Variants in ADGRB3 observed in about 807,000 individuals in gnomAD.
ADGRB3 encodes adhesion G protein-coupled receptor B3.
In ADGRB3, 37 loss-of-function variants were observed where a neutral mutation model predicts 193.4. That is an observed-to-expected ratio of 0.19 (90% CI 0.15 to 0.25). The LOEUF is 0.25. Ranked by LOEUF, ADGRB3 falls within the 10% of genes least tolerant of loss-of-function variation. The probability of loss-of-function intolerance (pLI) is 1.00; values close to 1 mark genes in which losing one functional copy is unlikely to be tolerated. For synonymous variants in ADGRB3, 690 were observed against 644.2 expected (o/e 1.07, Z -1.08); for missense variants, 1,637 against 1,852.9 (o/e 0.88, Z 2.14).
intron 30 of ADGRB3, among the ~76,000 whole-genome samples, chr6:69,379,521 A>G (rs1370647908): frequency 6.6e-6 from 1 of 152,058 alleles, no homozygotes; most frequent in Non-Finnish European, 1.5e-5. Context: ...TGTGAAAACT[A>G]AAACGACACC....
chr6:69,376,059 GT>G (rs1403027461), intron 30 of ADGRB3, among the ~76,000 whole-genome samples: 1 of 108,200 alleles, frequency 9.2e-6, no homozygotes, highest in African/African-American at 3.4e-5. Context: ...AATTTTCACA[GT>G]TTTCCATGAA....
At chr6:69,289,739 G>A (rs1173402189) in intron 20 of ADGRB3, among the ~76,000 whole-genome samples, 3 of 151,888 alleles carry the variant, frequency 2.0e-5, no homozygotes, top group African/African-American at 7.3e-5. Flanking sequence ...CTACAGACAG[G>A]TGCCTAAATA....
chr6:69,046,144 T>C (rs185958933), intron 13 of ADGRB3, among the ~76,000 whole-genome samples: 15 of 152,306 alleles, frequency 9.8e-5, no homozygotes, highest in Admixed American at 9.8e-4. Flanking sequence ...CTAATGTGTA[T>C]AGAGACAGAG....
intron 3 of ADGRB3, among the ~76,000 whole-genome samples, chr6:68,878,776 AAG>A (rs1765656986): frequency 6.6e-6 from 1 of 152,186 alleles, no homozygotes; most frequent in Admixed American, 6.5e-5. Flanking sequence ...TTACAAAAGA[AAG>A]AGGTTTAACT....
At position 68,834,966 on chromosome 6, in the gene ADGRB3, G is replaced by A. The variant is rs886231541; in HGVS notation, c.758-95593G>A. Reference sequence around the variant, plus strand: ...CTACCTAGTATAATTGAAAATATGTGAGTTAAAAAAAATCCAAGCATTTAA... The same window carrying A: ...CTACCTAGTATAATTGAAAATATGTAAGTTAAAAAAAATCCAAGCATTTAA... On this transcript the variant is annotated intron_variant, in intron 3 of 31. Transcript: ENST00000370598. Among the ~76,000 whole-genome samples, 15 of 151,328 alleles carry A rather than the reference G, an allele frequency of 9.9e-5. No individual in the cohort carries two copies. In the East Asian group the frequency reaches 2.1e-3, roughly 22 times the overall value.
At chr6:69,107,234 A>G (rs1286521250) in intron 17 of ADGRB3, among the ~76,000 whole-genome samples, 2 of 152,304 alleles carry the variant, frequency 1.3e-5, no homozygotes, top group African/African-American at 4.8e-5. Context: ...GAAAAAAATT[A>G]TATTTCTACT....
At chr6:68,638,456 C>T (rs1462603418) in intron 2 of ADGRB3, among the ~76,000 whole-genome samples, 2 of 152,134 alleles carry the variant, frequency 1.3e-5, no homozygotes, top group African/African-American at 4.8e-5. Context: ...GCGAATTTGA[C>T]CATTGTGAAT....
intron 11 of ADGRB3, among the ~76,000 whole-genome samples, chr6:69,005,181 A>G (rs1462824621): frequency 1.3e-5 from 2 of 151,822 alleles, no homozygotes; most frequent in Admixed American, 6.6e-5. Flanking sequence ...ATCATTAACT[A>G]TTTTTACCTT....
At chr6:69,375,596 T>C (rs937241038) in intron 30 of ADGRB3, among the ~76,000 whole-genome samples, 6 of 152,096 alleles carry the variant, frequency 3.9e-5, no homozygotes, top group Non-Finnish European at 8.8e-5. Context: ...AGATTCCTAA[T>C]GTGATGTTAA....
At chr6:68,722,605 CTT>C (rs200217245) in intron 3 of ADGRB3, among the ~76,000 whole-genome samples, 3 of 143,244 alleles carry the variant, frequency 2.1e-5, no homozygotes, top group African/African-American at 2.6e-5. Flanking sequence ...ATTTCTTTTT[CTT>C]TTTTTTTTTT....
rs182274001 is a variant in ADGRB3, at chr6:69,016,098, T to C, written c.1998+1992T>C. ...CACACCCATTCATTTACCTATAATC[T>C]ATATACGGTCGTTTTGGTGCGACAA... On this transcript the variant is annotated intron_variant, in intron 12 of 31. Transcript: ENST00000370598. Among the ~76,000 whole-genome samples the C allele has an allele frequency of 7.0e-4, 107 of 152,090 alleles. 2 individuals are homozygous for C. The East Asian group carries it at 0.014, about 20-fold the overall frequency.
At chr6:69,150,500 A>G (rs1323822305) in intron 17 of ADGRB3, among the ~76,000 whole-genome samples, 2 of 152,098 alleles carry the variant, frequency 1.3e-5, no homozygotes, top group African/African-American at 4.8e-5. Context: ...CTCATCTTTC[A>G]GGTCAGTGCC....
At chr6:68,790,655 A>T (rs1416729981) in intron 3 of ADGRB3, among the ~76,000 whole-genome samples, 1 of 152,154 alleles carries the variant, frequency 6.6e-6, no homozygotes, top group African/African-American at 2.4e-5. Flanking sequence ...TGCAGCCACC[A>T]CTGCAGATAC....
intron 17 of ADGRB3, among the ~76,000 whole-genome samples, chr6:69,227,269 G>A (rs902955020): frequency 2.0e-5 from 3 of 152,164 alleles, no homozygotes; most frequent in Non-Finnish European, 4.4e-5. Flanking sequence ...ATGTGTGTTA[G>A]GAGATGAATG....
chr6:69,033,757 A>G (rs1337711106), intron 13 of ADGRB3, among the ~76,000 whole-genome samples: 1 of 152,066 alleles, frequency 6.6e-6, no homozygotes, highest in Non-Finnish European at 1.5e-5. Context: ...AATTCATACT[A>G]CAGGCTTAAG....
intron 3 of ADGRB3, among the ~76,000 whole-genome samples, chr6:68,774,307 T>G (rs1241093694): frequency 3.3e-5 from 5 of 151,196 alleles, no homozygotes; most frequent in African/African-American, 9.7e-5. Context: ...ATAATTTTAA[T>G]AATCTATTTT....
At chr6:69,369,612 C>T (rs1769663236) in intron 29 of ADGRB3, among the ~76,000 whole-genome samples, 1 of 150,686 alleles carries the variant, frequency 6.6e-6, no homozygotes, top group Non-Finnish European at 1.5e-5. Context: ...GTGGAAGGAT[C>T]ACTTGAGCCC....
chr6:68,834,372 A>G (rs545900232), intron 3 of ADGRB3, among the ~76,000 whole-genome samples: 2 of 152,304 alleles, frequency 1.3e-5, no homozygotes, highest in African/African-American at 4.8e-5. Context: ...TCCTAAGTAG[A>G]GAACAATGCT....
intron 3 of ADGRB3, among the ~76,000 whole-genome samples, chr6:68,846,718 A>T (rs1768283214): frequency 6.6e-6 from 1 of 152,236 alleles, no homozygotes; most frequent in South Asian, 2.1e-4. Context: ...AAATGCCTGG[A>T]TGCCCAGGCA....
Sources: allele counts gnomAD v4.1 joint callset (sites outside exome capture counted in the v4.1 genomes callset), GRCh38; gene constraint gnomAD v4.1.1; transcripts MANE v1.5; gene names NCBI Gene and HGNC (gene_info 2026-07-23, HGNC 2026-07-21).